SLC24A4: variants seen among roughly 807,000 people sequenced by gnomAD.
SLC24A4 encodes the protein solute carrier family 24 member 4, also known as sodium/potassium/calcium exchanger 4.
A neutral mutation model predicts 79.0 loss-of-function variants in SLC24A4; 53 were observed. That is an observed-to-expected ratio of 0.67 (90% CI 0.54 to 0.84). SLC24A4 has a LOEUF of 0.84. Ranked by LOEUF, SLC24A4 falls within the 40% of genes least tolerant of loss-of-function variation. The probability of loss-of-function intolerance (pLI) is 0.00; values close to 1 mark genes in which losing one functional copy is unlikely to be tolerated. For synonymous variants in SLC24A4, 323 were observed against 323.8 expected (o/e 1.00, Z 0.03); for missense variants, 731 against 822.0 (o/e 0.89, Z 1.35).
chr14:92,365,072 C>T (rs762100807), intron 2 of SLC24A4, among the ~76,000 whole-genome samples: 8 of 152,230 alleles, frequency 5.3e-5, no homozygotes, highest in Non-Finnish European at 1.0e-4. Context: ...TGGCCTGAAG[C>T]GGGCTCTCCT....
chr14:92,432,191 A>G (rs916678992), intron 2 of SLC24A4, among the ~76,000 whole-genome samples: 16 of 152,220 alleles, frequency 1.1e-4, no homozygotes, highest in African/African-American at 3.1e-4. Context: ...TCCAGGATAC[A>G]CATGGGTGTG....
intron 2 of SLC24A4, among the ~76,000 whole-genome samples, chr14:92,360,497 G>A (rs1887447028): frequency 6.6e-6 from 1 of 152,184 alleles, no homozygotes; most frequent in Non-Finnish European, 1.5e-5. Flanking sequence ...GTGGGATACT[G>A]TACTATTTAT....
At chr14:92,446,089 T>A (rs1421247606) in intron 8 of SLC24A4, among the ~76,000 whole-genome samples, 1 of 152,226 alleles carries the variant, frequency 6.6e-6, no homozygotes, top group Non-Finnish European at 1.5e-5. Context: ...TCCACTCTAT[T>A]TGATAGCATG....
intron 2 of SLC24A4, among the ~76,000 whole-genome samples, chr14:92,369,656 A>G (rs903755014): frequency 6.6e-6 from 1 of 152,264 alleles, no homozygotes; most frequent in Non-Finnish European, 1.5e-5. Context: ...GTGTGACTAT[A>G]AGGTACAAGC....
chr14:92,483,677 A>G, intron 13 of SLC24A4: 1 of 1,245,280 alleles, frequency 8.0e-7, no homozygotes, highest in Non-Finnish European at 1.1e-6. Context: ...CTCCTTCCCC[A>G]CTCTCTGTAT....
At position 92,343,648 on chromosome 14, in the gene SLC24A4, CCT is replaced by C. The variant is rs1170564345; in HGVS notation, c.241+17671_241+17672del. ...TCTTTCTTTCTTTCTTTCTCTCTTT[CCT>C]TCTTTCCTTCCTTCCTTCCTTCCTT... On this transcript the variant is annotated intron_variant, in intron 2 of 16. Coordinates refer to ENST00000532405, the MANE Select transcript of SLC24A4 (RefSeq NM_153646.4). 4.5e-3 allele frequency among the ~76,000 whole-genome samples: 626 copies of C among 139,416 alleles called. 2 individuals are homozygous for C. Among genetic ancestry groups the C allele is most frequent in the African/African-American group, 9.4e-3 (319 of 33,878 alleles). 91.5% of individuals were successfully genotyped at this position (139,416 alleles called of 152,430 possible). A position where few individuals can be genotyped will look rare whatever the true frequency, so the allele number is the denominator to read the frequency against.
intron 2 of SLC24A4, among the ~76,000 whole-genome samples, chr14:92,339,660 AT>A (rs1371050689): frequency 6.6e-5 from 10 of 152,180 alleles, no homozygotes. Flanking sequence ...GTGGCGAGTC[AT>A]CCTGTAATGT....
At chr14:92,492,135 G>T (rs1194039324) in intron 15 of SLC24A4, 40 bp from the exon 16 acceptor site, 2 of 1,590,306 alleles carry the variant, frequency 1.3e-6, no homozygotes, top group South Asian at 2.2e-5. Context: ...TTGGCTCTGA[G>T]CAGTCAAGAG....
chr14:92,347,309 G>A (rs1170094956), intron 2 of SLC24A4, among the ~76,000 whole-genome samples: 1 of 152,144 alleles, frequency 6.6e-6, no homozygotes, highest in Non-Finnish European at 1.5e-5. Context: ...GGAGCCAAAG[G>A]CATTAGGAGA....
At chr14:92,405,486 G>A (rs1031215407) in intron 2 of SLC24A4, among the ~76,000 whole-genome samples, 4 of 152,144 alleles carry the variant, frequency 2.6e-5, no homozygotes, top group African/African-American at 9.7e-5. Context: ...GGGTGTATTA[G>A]TCTATTCTCA....
intron 2 of SLC24A4, among the ~76,000 whole-genome samples, chr14:92,380,672 T>A (rs1328599815): frequency 6.6e-6 from 1 of 152,228 alleles, no homozygotes; most frequent in Non-Finnish European, 1.5e-5. Flanking sequence ...AACTTGCGGC[T>A]CCCGCCCAGG....
At chr14:92,483,842 A>G (rs1035863484) in intron 13 of SLC24A4, 64 of 1,289,510 alleles carry the variant, frequency 5.0e-5, no homozygotes, top group Non-Finnish European at 6.0e-5. Context: ...TCTCCTCCTA[A>G]TGCCTGACAC....
chr14:92,373,427 G>A (rs1249777685), intron 2 of SLC24A4, among the ~76,000 whole-genome samples: 1 of 152,184 alleles, frequency 6.6e-6, no homozygotes, highest in East Asian at 1.9e-4. Flanking sequence ...AGTGAGCTGA[G>A]ACAGGCACCT....
chr14:92,454,086 G>A lies in SLC24A4; in HGVS notation c.1050+17G>A, dbSNP rs1181029238. The A allele has an allele frequency of 1.2e-5, 20 of 1,608,710 alleles. No individual in the cohort carries two copies. The Middle Eastern group carries it at 5.0e-4, about 40-fold the overall frequency. On this transcript the variant is annotated intron_variant, in intron 11 of 16. Coordinates refer to ENST00000532405, the MANE Select transcript of SLC24A4 (RefSeq NM_153646.4). Reference sequence around the variant, plus strand: ...ATTAATGAGGTGAGTTTGCTTGAAGGACCATAAAAGTGAGCAGCCTTGGAT... The same window carrying A: ...ATTAATGAGGTGAGTTTGCTTGAAGAACCATAAAAGTGAGCAGCCTTGGAT...
chr14:92,377,352 A>G (rs1448455236), intron 2 of SLC24A4, among the ~76,000 whole-genome samples: 4 of 152,172 alleles, frequency 2.6e-5, no homozygotes, highest in Admixed American at 2.0e-4. Context: ...TTGTTCATAA[A>G]GTGCCTAGAG....
intron 12 of SLC24A4, among the ~76,000 whole-genome samples, chr14:92,474,827 A>ATGTGTGTGTGTGTGTGTG (rs1484148777): frequency 0.014 from 1,107 of 77,278 alleles, 105 homozygotes; most frequent in Non-Finnish European, 0.019. Context: ...ATATACATAT[A>ATGTGTGTGTGTGTGTGTG]TATGTGTGTG....
At chr14:92,427,623 T>C (rs963506539) in intron 2 of SLC24A4, among the ~76,000 whole-genome samples, 1 of 152,202 alleles carries the variant, frequency 6.6e-6, no homozygotes, top group Non-Finnish European at 1.5e-5. Flanking sequence ...CCAGGGCTTG[T>C]GCAGGATTGG....
chr14:92,380,251 A>G (rs1888761629), intron 2 of SLC24A4, among the ~76,000 whole-genome samples: 1 of 152,172 alleles, frequency 6.6e-6, no homozygotes, highest in Non-Finnish European at 1.5e-5. Context: ...TCCTCATTAA[A>G]CAGAGAACCA....
At chr14:92,336,065 G>A (rs1367546072) in intron 2 of SLC24A4, among the ~76,000 whole-genome samples, 1 of 152,162 alleles carries the variant, frequency 6.6e-6, no homozygotes, top group Non-Finnish European at 1.5e-5. Flanking sequence ...TGGGCCATCT[G>A]CTACCCCCAA....
Sources: allele counts gnomAD v4.1 joint callset (sites outside exome capture counted in the v4.1 genomes callset), GRCh38; gene constraint gnomAD v4.1.1; transcripts MANE v1.5; gene names NCBI Gene and HGNC (gene_info 2026-07-23, HGNC 2026-07-21).